The following MSI2 variants were observed in gnomAD, a reference collection of about 807,000 sequenced individuals.
MSI2 encodes the protein RNA-binding protein Musashi homolog 2.
MSI2 carries 17 observed loss-of-function variants against 45.6 expected under a neutral mutation model. That is an observed-to-expected ratio of 0.37 (90% CI 0.26 to 0.56). MSI2 has a LOEUF of 0.56. MSI2 is among the 20% of genes least tolerant of loss of function. The pLI is 0.77. For missense variants in MSI2, 293 were observed against 444.2 expected (o/e 0.66, Z 3.06); for synonymous variants, 156 against 158.2 (o/e 0.99, Z 0.11).
At chr17:57,460,372 G>A (rs1406326006) in intron 6 of MSI2, among the ~76,000 whole-genome samples, 1 of 150,200 alleles carries the variant, frequency 6.7e-6, no homozygotes. Context: ...AAAAAGGAAA[G>A]GAAAGGAAAA....
chr17:57,323,780 G>A (rs1913544974), intron 5 of MSI2, among the ~76,000 whole-genome samples: 1 of 152,230 alleles, frequency 6.6e-6, no homozygotes, highest in South Asian at 2.1e-4. Context: ...TCATGGGGTA[G>A]CTATGTGTGG....
rs747256635 is a variant in MSI2 at position 57,262,147 on chromosome 17, C to T, written c.271-4C>T. ...GACTCCTGCTTTTCTATTTTTTTTCCCAGATTGACCCCAAAGTTGCATTTC... is the reference window on the plus strand; with the variant it reads ...GACTCCTGCTTTTCTATTTTTTTTCTCAGATTGACCCCAAAGTTGCATTTC... On this transcript the variant is annotated splice_polypyrimidine_tract_variant and splice_region_variant and intron_variant, in intron 4 of 13. Transcript: ENST00000284073. 6.2e-7 allele frequency: 1 copy of T among 1,612,120 alleles called. No individual in the cohort carries two copies. The highest frequency in any genetic ancestry group is 8.5e-7 in the Non-Finnish European group (1 of 1,179,222).
chr17:57,354,816 A>C (rs1420229876), intron 5 of MSI2, among the ~76,000 whole-genome samples: 1 of 152,122 alleles, frequency 6.6e-6, no homozygotes, highest in Non-Finnish European at 1.5e-5. Flanking sequence ...GCAGCCAGAG[A>C]ATGATGCAGT....
chr17:57,519,351 G>A (rs12602872), intron 6 of MSI2, among the ~76,000 whole-genome samples: 37,939 of 151,942 alleles, frequency 0.25, 5,497 homozygotes, highest in African/African-American at 0.4. Context: ...TGTGGTAGGC[G>A]CTCACTGGCT....
chr17:57,701,334 C>T, the MSI2 span, among the ~76,000 whole-genome samples: 5 of 152,150 alleles, frequency 3.3e-5, no homozygotes, highest in Admixed American at 2.6e-4. Flanking sequence ...TGATGGTATA[C>T]GAAGGTGGGG....
intron 5 of MSI2, among the ~76,000 whole-genome samples, chr17:57,361,399 G>A (rs1237106673): frequency 2.0e-5 from 3 of 151,588 alleles, no homozygotes; most frequent in African/African-American, 4.9e-5. Flanking sequence ...TCAGAAGTTC[G>A]AGACAGCCTG....
At chr17:57,519,673 T>A (rs1567873936) in intron 6 of MSI2, among the ~76,000 whole-genome samples, 1 of 152,232 alleles carries the variant, frequency 6.6e-6, no homozygotes, top group Non-Finnish European at 1.5e-5. Flanking sequence ...TAATCACCTC[T>A]ATTCACTTTT....
Position 57,652,967 on chromosome 17 carries a change from T to TCCCTC in MSI2, c.790+810_790+814dup, listed in dbSNP as rs1189113116. Among the ~76,000 whole-genome samples the TCCCTC allele has an allele frequency of 6.6e-6, 1 of 152,100 alleles. No homozygotes were observed. The highest frequency in any genetic ancestry group is 1.5e-5 in the Non-Finnish European group (1 of 68,020). ...GCAGGGCTTCTGCTGTGCCCTGGGCTCCCTCCCCACCCCTGCTCCCTGAAC... is the reference window on the plus strand; with the variant it reads ...GCAGGGCTTCTGCTGTGCCCTGGGCTCCCTCCCCTCCCCACCCCTGCTCCCTGAAC... On this transcript the variant is annotated intron_variant, in intron 11 of 13. Coordinates refer to ENST00000284073, the MANE Select transcript of MSI2 (RefSeq NM_138962.4). This position sits in a 1 kb window ranked among gnomAD's most constrained non-coding sequence, Gnocchi z 4.1.
chr17:57,615,555 G>A (rs1229949736), intron 8 of MSI2, among the ~76,000 whole-genome samples: 1 of 152,208 alleles, frequency 6.6e-6, no homozygotes, highest in Admixed American at 6.5e-5. Context: ...CTGAGAGAAT[G>A]TCAGGGGCAT....
chr17:57,555,061 C>T (rs1280468695), intron 7 of MSI2, among the ~76,000 whole-genome samples: 1 of 152,212 alleles, frequency 6.6e-6, no homozygotes, highest in Non-Finnish European at 1.5e-5. Flanking sequence ...AGAAGTAGGG[C>T]AGTGTGAGGA....
intron 5 of MSI2, among the ~76,000 whole-genome samples, chr17:57,346,311 T>C (rs181842914): frequency 6.9e-6 from 1 of 144,500 alleles, no homozygotes; most frequent in East Asian, 2.3e-4. Flanking sequence ...CTCATCCTTA[T>C]TTTTAACAGG....
In MSI2 at chr17:57,486,338, CA is replaced by C. The variant is rs749515593; in HGVS notation, c.406-43337del. On this transcript the variant is annotated intron_variant, in intron 6 of 13. Transcript: ENST00000284073. ...CAGAGATATTGCTTTCTTTTCACTTCAGTTAATCCAAATGAGCTGAGTCTCC... is the reference window on the plus strand; with the variant it reads ...CAGAGATATTGCTTTCTTTTCACTTCGTTAATCCAAATGAGCTGAGTCTCC... Among the ~76,000 whole-genome samples, 62 of 152,302 alleles carry C rather than the reference CA, an allele frequency of 4.1e-4. 1 individual carries two copies. The Middle Eastern group carries it at 0.01, about 25-fold the overall frequency.
At chr17:57,426,259 G>A (rs1205122843) in intron 6 of MSI2, among the ~76,000 whole-genome samples, 26 of 152,190 alleles carry the variant, frequency 1.7e-4, no homozygotes, top group Admixed American at 1.7e-3. Context: ...GTCCTAGACA[G>A]GATATAGCTG....
intron 10 of MSI2, among the ~76,000 whole-genome samples, chr17:57,645,239 C>G (rs972356165): frequency 6.6e-6 from 1 of 152,144 alleles, no homozygotes; most frequent in Admixed American, 6.5e-5. Context: ...TGGACTGAGA[C>G]CACTGCACCA....
At chr17:57,440,787 T>C (rs2084785714) in intron 6 of MSI2, 1 of 152,268 alleles carries the variant, frequency 6.6e-6, no homozygotes, top group Non-Finnish European at 1.5e-5. Context: ...GGTCCTCTGG[T>C]CCGCCAAGAG....
At chr17:57,334,687 G>A (rs9890457) in intron 5 of MSI2, among the ~76,000 whole-genome samples, 4,146 of 152,096 alleles carry the variant, frequency 0.027, 193 homozygotes, top group African/African-American at 0.095. Flanking sequence ...CCAGGTACTC[G>A]GGAGGCTGAG....
chr17:57,588,402 T>C lies in MSI2; in HGVS notation c.455-8466T>C, dbSNP rs115010232. 4.3e-3 allele frequency among the ~76,000 whole-genome samples: 661 copies of C among 152,312 alleles called. 9 individuals are homozygous for C. The highest frequency in any genetic ancestry group is 0.015 in the African/African-American group (637 of 41,572). On this transcript the variant is annotated intron_variant, in intron 7 of 13. Coordinates refer to ENST00000284073, the MANE Select transcript of MSI2 (RefSeq NM_138962.4). ...GGCAGCTGACTCATTTGAGAGCCAG[T>C]TTGCTGCAAAGAAACTTCTAGCATC...
At chr17:57,538,633 C>T (rs142430855) in intron 7 of MSI2, among the ~76,000 whole-genome samples, 1 of 152,266 alleles carries the variant, frequency 6.6e-6, no homozygotes, top group Non-Finnish European at 1.5e-5. Context: ...AGTGAAACCA[C>T]CTGCTTAACT....
intron 7 of MSI2, among the ~76,000 whole-genome samples, chr17:57,548,387 C>T (rs555784896): frequency 3.2e-4 from 49 of 152,036 alleles, no homozygotes; most frequent in Non-Finnish European, 5.6e-4. Context: ...TTAATTGGGG[C>T]GGAGAGGCAG....
Sources: allele counts gnomAD v4.1 joint callset (sites outside exome capture counted in the v4.1 genomes callset), GRCh38; gene constraint gnomAD v4.1.1; non-coding constraint Gnocchi (gnomAD v3.1); transcripts MANE v1.5; gene names NCBI Gene and HGNC (gene_info 2026-07-23, HGNC 2026-07-21).